The following MCPH1 variants were observed in gnomAD, a reference collection of about 807,000 sequenced individuals.
MCPH1 encodes microcephalin.
Under a neutral mutation model 84.5 loss-of-function variants are expected in MCPH1, and 104 were observed. The observed-to-expected ratio is 1.23, with a 90% CI of 1.05 to 1.45. The LOEUF (loss-of-function observed/expected upper bound fraction) is 1.45, where lower values mean the gene tolerates loss of function less well. Among genes scored for constraint, MCPH1 ranks in the 40% most tolerant of loss-of-function variants. The pLI is 0.00. For synonymous variants in MCPH1, 514 were observed against 366.8 expected (o/e 1.40, Z -4.58); for missense variants, 1,498 against 1,005.7 (o/e 1.49, Z -6.62).
intron 12 of MCPH1, among the ~76,000 whole-genome samples, chr8:6,602,178 A>G (rs1234854772): frequency 6.6e-6 from 1 of 152,224 alleles, no homozygotes; most frequent in East Asian, 1.9e-4. Context: ...CTTGAGCAGA[A>G]AGACTTAGGA....
chr8:6,493,192 A>G (rs568369321), intron 11 of MCPH1, among the ~76,000 whole-genome samples: 2 of 152,218 alleles, frequency 1.3e-5, no homozygotes, highest in Non-Finnish European at 2.9e-5. Context: ...CAGTGGTGAC[A>G]TGCTGGGTTT....
intron 11 of MCPH1, among the ~76,000 whole-genome samples, chr8:6,482,872 G>A (rs566771487): frequency 3.9e-5 from 6 of 152,272 alleles, no homozygotes; most frequent in African/African-American, 1.2e-4. Flanking sequence ...CTTGCCTGGA[G>A]GGAAGAACCT....
chr8:6,592,855 C>T (rs1261340524), intron 12 of MCPH1, among the ~76,000 whole-genome samples: 8 of 142,764 alleles, frequency 5.6e-5, no homozygotes, highest in Non-Finnish European at 1.2e-4. Context: ...TTGGTGAAGA[C>T]GAGGTCTTGC....
At chr8:6,447,257 ATCTT>A in intron 8 of MCPH1, 2 of 985,420 alleles carry the variant, frequency 2.0e-6, no homozygotes, top group Non-Finnish European at 2.4e-6. Context: ...TTGGGAATCT[ATCTT>A]AGAAGATGAA....
intron 5 of MCPH1, among the ~76,000 whole-genome samples, chr8:6,438,601 G>C (rs972450061): frequency 6.6e-6 from 1 of 152,234 alleles, no homozygotes; most frequent in African/African-American, 2.4e-5. Context: ...ACAAGAAACA[G>C]AAACTAAATT....
chr8:6,476,258 GTC>G (rs1808438992), intron 9 of MCPH1, among the ~76,000 whole-genome samples: 1 of 151,956 alleles, frequency 6.6e-6, no homozygotes, highest in Non-Finnish European at 1.5e-5. Flanking sequence ...GTGGAACCCT[GTC>G]TCTACTAGAA....
chr8:6,481,859 C>G (rs1328034707), intron 11 of MCPH1, among the ~76,000 whole-genome samples: 1 of 152,174 alleles, frequency 6.6e-6, no homozygotes, highest in Non-Finnish European at 1.5e-5. Flanking sequence ...CCCCTCTCAT[C>G]CAGGGTTTTG....
At chr8:6,461,325 CTT>C (rs11419705) in intron 9 of MCPH1, among the ~76,000 whole-genome samples, 37 of 110,974 alleles carry the variant, frequency 3.3e-4, no homozygotes, top group African/African-American at 1.4e-3. Context: ...TTTGTTGAGA[CTT>C]TTTTTTTTTT....
rs150581009 is a variant in MCPH1 at position 6,558,662 on chromosome 8, A to G, written c.2214+58733A>G. Among the ~76,000 whole-genome samples the G allele has an allele frequency of 3.6e-3, 545 of 152,330 alleles. 5 individuals are homozygous for G. The highest frequency in any genetic ancestry group is 0.012 in the African/African-American group (514 of 41,574). The stretch of plus-strand genomic sequence containing the variant: ...ACTATATGGATTATCTAGTGTCTCA[A>G]TAGAAGGTAAGGTTATGGAAATCCA... On this transcript the variant is annotated intron_variant, in intron 12 of 13. Transcript: ENST00000344683.
chr8:6,465,694 C>A (rs1203873614), intron 9 of MCPH1, among the ~76,000 whole-genome samples: 1 of 152,096 alleles, frequency 6.6e-6, no homozygotes, highest in Non-Finnish European at 1.5e-5. Context: ...GGGAGGCCTG[C>A]AAACCTTACG....
intron 11 of MCPH1, among the ~76,000 whole-genome samples, chr8:6,490,978 A>G (rs571220707): frequency 8.1e-4 from 121 of 149,254 alleles, no homozygotes; most frequent in African/African-American, 2.7e-3. Context: ...CATTAATAAC[A>G]ATTATTTAAT....
intron 9 of MCPH1, among the ~76,000 whole-genome samples, chr8:6,475,947 A>T (rs934901609): frequency 3.9e-5 from 6 of 152,140 alleles, no homozygotes; most frequent in Non-Finnish European, 5.9e-5. Context: ...GATCAACCCC[A>T]TTGAGGACTG....
At chr8:6,439,927 C>T (rs1416982409) in intron 6 of MCPH1, among the ~76,000 whole-genome samples, 1 of 152,070 alleles carries the variant, frequency 6.6e-6, no homozygotes, top group Non-Finnish European at 1.5e-5. Flanking sequence ...AGTGTTTTTC[C>T]AGATCTGTTT....
At chr8:6,442,460 C>G (rs921908283) in intron 7 of MCPH1, among the ~76,000 whole-genome samples, 2 of 152,014 alleles carry the variant, frequency 1.3e-5, no homozygotes, top group African/African-American at 2.4e-5. Context: ...CTACATAGAA[C>G]TGAGGTCAGA....
chr8:6,592,860 T>C (rs1241163200), intron 12 of MCPH1, among the ~76,000 whole-genome samples: 3 of 143,780 alleles, frequency 2.1e-5, no homozygotes, highest in South Asian at 4.5e-4. Flanking sequence ...GAAGACGAGG[T>C]CTTGCCATGT....
chr8:6,535,421 A>G (rs1820301200), intron 12 of MCPH1, among the ~76,000 whole-genome samples: 1 of 152,236 alleles, frequency 6.6e-6, no homozygotes, highest in African/African-American at 2.4e-5. Context: ...AAACATAAAA[A>G]CAATAGAATG....
At position 6,445,604 on chromosome 8, in the gene MCPH1, C is replaced by G. The variant is rs549400766; in HGVS notation, c.1825+57C>G. ...GCTAAATAAACATGTAACAGTGCAT[C>G]CATATTTTAAATTTATCACAACTTT... On this transcript the variant is annotated intron_variant, in intron 8 of 13. Transcript: ENST00000344683. 7.2e-6 allele frequency: 11 copies of G among 1,518,864 alleles called. No homozygotes were observed. In the East Asian group the frequency reaches 2.0e-4, roughly 28 times the overall value. 94.1% of individuals were successfully genotyped at this position (1,518,864 alleles called of 1,614,324 possible).
chr8:6,533,121 G>A (rs1819839384), intron 12 of MCPH1, among the ~76,000 whole-genome samples: 1 of 152,104 alleles, frequency 6.6e-6, no homozygotes, highest in Non-Finnish European at 1.5e-5. Context: ...TCACAATTTT[G>A]TCATTTCATG....
At chr8:6,532,599 A>G in intron 12 of MCPH1, 1 of 777,326 alleles carries the variant, frequency 1.3e-6, no homozygotes, top group Non-Finnish European at 1.8e-6. Context: ...AAAATCTATC[A>G]AAAGACTTGT....
Sources: allele counts gnomAD v4.1 joint callset (sites outside exome capture counted in the v4.1 genomes callset), GRCh38; gene constraint gnomAD v4.1.1; transcripts MANE v1.5; gene names NCBI Gene and HGNC (gene_info 2026-07-23, HGNC 2026-07-21).